The following SMIM36 variants were observed in gnomAD, a reference collection of about 807,000 sequenced individuals.
The protein encoded by SMIM36 is small integral membrane protein 36.
At chr17:55,509,924 G>GT (rs1910151770) in intron 1 of SMIM36, among the ~76,000 whole-genome samples, 1 of 152,038 alleles carries the variant, frequency 6.6e-6, no homozygotes, top group Non-Finnish European at 1.5e-5. Flanking sequence ...CTTTCAATGA[G>GT]TTTTCAATAA....
intron 1 of SMIM36, among the ~76,000 whole-genome samples, chr17:55,501,147 ATT>A (rs1909937145): frequency 1.2e-5 from 1 of 84,206 alleles, no homozygotes; most frequent in African/African-American, 4.1e-5. Flanking sequence ...TATATCTTAT[ATT>A]TTATAATATA....
the SMIM36 span, chr17:55,528,177 A>T: frequency 6.6e-6 from 1 of 152,220 alleles, no homozygotes; most frequent in African/African-American, 2.4e-5. Flanking sequence ...ACATTGTGTT[A>T]TCTCATTGTT....
the SMIM36 span, among the ~76,000 whole-genome samples, chr17:55,531,589 A>T: frequency 6.6e-6 from 1 of 152,206 alleles, no homozygotes; most frequent in Non-Finnish European, 1.5e-5. Context: ...GATAAGGTGG[A>T]CATGTTTTTA....
At chr17:55,513,110 G>T (rs1910209884), upstream of SMIM36, among the ~76,000 whole-genome samples, 1 of 152,166 alleles carries the variant, frequency 6.6e-6, no homozygotes, top group Admixed American at 6.5e-5. Context: ...AATCTATTGG[G>T]TCTCTTTTGA....
chr17:55,466,716 T>C (rs891034860), intron 4 of SMIM36, among the ~76,000 whole-genome samples: 1 of 152,060 alleles, frequency 6.6e-6, no homozygotes, highest in African/African-American at 2.4e-5. Context: ...TTCATTGAAG[T>C]GATTCTCTCA....
intron 1 of SMIM36, among the ~76,000 whole-genome samples, chr17:55,508,787 G>A (rs922230737): frequency 3.3e-5 from 5 of 151,916 alleles, no homozygotes; most frequent in African/African-American, 1.2e-4. Flanking sequence ...GCTGCGTGTG[G>A]TGGCAGATGC....
the SMIM36 span, among the ~76,000 whole-genome samples, chr17:55,522,455 C>T: frequency 2.0e-5 from 3 of 152,166 alleles, no homozygotes; most frequent in South Asian, 2.1e-4. Flanking sequence ...GCTGGGGAGG[C>T]CTCACAATCA....
chr17:55,464,174 C>A (rs1909194959), intron 4 of SMIM36, among the ~76,000 whole-genome samples: 2 of 152,140 alleles, frequency 1.3e-5, no homozygotes, highest in African/African-American at 4.8e-5. Flanking sequence ...CAGGTCATGT[C>A]CACCTAGGAT....
the SMIM36 span, chr17:55,527,621 CCTT>C: frequency 1.3e-5 from 2 of 151,860 alleles, no homozygotes; most frequent in Admixed American, 1.3e-4. Flanking sequence ...GTATCTTTTT[CCTT>C]CTTTTTATAG....
chr17:55,457,815 C>T (rs928280412), intron 4 of SMIM36, among the ~76,000 whole-genome samples: 1 of 152,092 alleles, frequency 6.6e-6, no homozygotes. Flanking sequence ...CTTGAGCTAC[C>T]GCGCCGGCCT....
chr17:55,485,800 T>A (rs953959242), intron 1 of SMIM36, among the ~76,000 whole-genome samples: 1 of 152,146 alleles, frequency 6.6e-6, no homozygotes, highest in African/African-American at 2.4e-5. Flanking sequence ...ATCTTACGTA[T>A]GAGGAAACGG....
At position 55,451,928 on chromosome 17, in the gene SMIM36, C is replaced by T. The variant is rs558312451; in HGVS notation, c.*532-1630G>A. ...TCTGGGCAGCATAGTGAGACCTTGT[C>T]GCCACAAAAAATAAAAAGATTTTAA... On this transcript the variant is annotated intron_variant, in intron 4 of 4. Coordinates refer to ENST00000636752, the Ensembl canonical transcript of SMIM36. Among the ~76,000 whole-genome samples, 49 of 151,686 alleles carry T rather than the reference C, an allele frequency of 3.2e-4. 1 individual carries two copies. The highest frequency in any genetic ancestry group is 2.7e-3 in the South Asian group (13 of 4,796).
chr17:55,466,277 CAA>C (rs796506078), intron 4 of SMIM36, among the ~76,000 whole-genome samples: 816 of 46,806 alleles, frequency 0.017, 1 homozygote, highest in South Asian at 0.092. Flanking sequence ...GACTCCGTCT[CAA>C]AAAAAAAAAA....
chr17:55,483,858 C>A (rs1162106552), intron 1 of SMIM36, among the ~76,000 whole-genome samples: 1 of 152,076 alleles, frequency 6.6e-6, no homozygotes, highest in Non-Finnish European at 1.5e-5. Flanking sequence ...AAACTCCTAA[C>A]CTCAAGTGAT....
chr17:55,455,729 G>C (rs1467814204), intron 4 of SMIM36, among the ~76,000 whole-genome samples: 4 of 152,086 alleles, frequency 2.6e-5, no homozygotes, highest in Non-Finnish European at 2.9e-5. Flanking sequence ...GGAGGTTCGG[G>C]CTGCAGTGAG....
chr17:55,482,494 T>C (rs1256094808), intron 1 of SMIM36, among the ~76,000 whole-genome samples: 1 of 152,202 alleles, frequency 6.6e-6, no homozygotes, highest in Non-Finnish European at 1.5e-5. Flanking sequence ...TCAAATCTTA[T>C]AGATTTTTCC....
the SMIM36 span, among the ~76,000 whole-genome samples, chr17:55,517,462 C>T: frequency 6.6e-6 from 1 of 152,172 alleles, no homozygotes; most frequent in Non-Finnish European, 1.5e-5. Context: ...GCTTGGGAGG[C>T]TGAGGCAGGA....
At chr17:55,484,906 G>A (rs1215564966) in intron 1 of SMIM36, among the ~76,000 whole-genome samples, 3 of 150,634 alleles carry the variant, frequency 2.0e-5, no homozygotes, top group Non-Finnish European at 4.5e-5. Context: ...TTAAAGGAGA[G>A]TTAAGAAATA....
At chr17:55,489,177 A>G (rs1044632564) in intron 1 of SMIM36, among the ~76,000 whole-genome samples, 2 of 152,232 alleles carry the variant, frequency 1.3e-5, no homozygotes, top group African/African-American at 4.8e-5. Context: ...CAGGAGTTCA[A>G]GACAAGCCTG....
Sources: gnomAD v4.1 joint callset for allele counts (sites outside exome capture counted in the v4.1 genomes callset) on GRCh38, gnomAD v4.1.1 for gene constraint, MANE v1.5 for transcripts, NCBI Gene and HGNC (gene_info 2026-07-23, HGNC 2026-07-21) for gene names.